TMED10: variants seen among roughly 807,000 people sequenced by gnomAD.
The protein encoded by TMED10 is transmembrane emp24 domain-containing protein 10.
A neutral mutation model predicts 23.1 loss-of-function variants in TMED10; 7 were observed. That is an observed-to-expected ratio of 0.30 (90% confidence interval 0.17 to 0.57). The LOEUF (loss-of-function observed/expected upper bound fraction) is 0.57, where lower values mean the gene tolerates loss of function less well. Among genes scored for constraint, TMED10 ranks in the 20% least tolerant of loss-of-function variants. The pLI, the probability that TMED10 is intolerant of heterozygous loss-of-function variation, is 0.91. For synonymous variants in TMED10, 113 were observed against 106.9 expected (o/e 1.06, Z -0.35); for missense variants, 162 against 274.8 (o/e 0.59, Z 2.90).
intron 4 of TMED10, among the ~76,000 whole-genome samples, chr14:75,135,455 A>C (rs958405105): frequency 2.6e-5 from 4 of 152,164 alleles, no homozygotes; most frequent in Admixed American, 2.6e-4. Context: ...TAAGTAAATA[A>C]ATAAAAATAA....
intron 1 of TMED10, among the ~76,000 whole-genome samples, chr14:75,168,162 C>T (rs1187238373): frequency 6.6e-6 from 1 of 152,078 alleles, no homozygotes; most frequent in Non-Finnish European, 1.5e-5. Flanking sequence ...CTCCCCTGAC[C>T]ACTCAAACAC....
chr14:75,170,142 G>C (rs966378396), intron 1 of TMED10, among the ~76,000 whole-genome samples: 2 of 152,122 alleles, frequency 1.3e-5, no homozygotes, highest in African/African-American at 4.8e-5. Flanking sequence ...CAGGAGAATG[G>C]TGTGAACCCC....
rs750366465 is a variant in TMED10, at chr14:75,176,346, A to G, written c.225+9T>C. 6 of 1,613,832 alleles carry G rather than the reference A, an allele frequency of 3.7e-6. No individual in the cohort carries two copies. The South Asian group carries it at 4.4e-5, about 12-fold the overall frequency. On this transcript the variant is annotated intron_variant, in intron 1 of 4. Transcript: ENST00000303575. The stretch of plus-strand genomic sequence containing the variant: ...TTCCCTCCCGGCCCCACGTCGCCCA[A>G]TGCCGCACCTTGAGGTGGCTGCGCA...
At chr14:75,160,788 G>A (rs1219910783) in intron 1 of TMED10, among the ~76,000 whole-genome samples, 6 of 152,330 alleles carry the variant, frequency 3.9e-5, no homozygotes, top group East Asian at 1.9e-4. Context: ...GCTCATGCCT[G>A]TAATCCCAGC....
chr14:75,135,641 A>T (rs1172992528), intron 4 of TMED10, 119 bp downstream of exon 4: 13 of 1,396,498 alleles, frequency 9.3e-6, no homozygotes, highest in African/African-American at 1.4e-5. Flanking sequence ...CGAAGCAAGC[A>T]ATTTCCCCTC....
chr14:75,138,297 T>C (rs1321285221), intron 3 of TMED10, among the ~76,000 whole-genome samples: 1 of 152,236 alleles, frequency 6.6e-6, no homozygotes, highest in Non-Finnish European at 1.5e-5. Flanking sequence ...AATATGGTGA[T>C]AGACTTGCGA....
At chr14:75,136,107 G>T (rs56000041) in intron 3 of TMED10, among the ~76,000 whole-genome samples, 1 of 152,196 alleles carries the variant, frequency 6.6e-6, no homozygotes, top group Non-Finnish European at 1.5e-5. Flanking sequence ...TAAAATCTTA[G>T]AAGTAATATA....
intron 1 of TMED10, among the ~76,000 whole-genome samples, chr14:75,167,397 C>T (rs764172135): frequency 1.3e-5 from 2 of 151,732 alleles, no homozygotes; most frequent in Non-Finnish European, 2.9e-5. Context: ...TGCCTCTTCG[C>T]CCCTCTGCCT....
chr14:75,147,816 C>T, intron 2 of TMED10, 79 bp from the exon 3 acceptor site: 1 of 1,250,214 alleles, frequency 8.0e-7, no homozygotes, highest in East Asian at 3.9e-5. Flanking sequence ...CCCGCCCTCC[C>T]TCTACAGAAC....
intron 2 of TMED10, 55 bp from the exon 3 acceptor site, chr14:75,147,792 TACCC>T (rs1895905855): frequency 6.6e-7 from 1 of 1,506,922 alleles, no homozygotes; most frequent in Non-Finnish European, 9.0e-7. Context: ...TCTGGGAAAT[TACCC>T]ACCCACCCGC....
chr14:75,173,043 A>G (rs1896254417), intron 1 of TMED10, among the ~76,000 whole-genome samples: 1 of 152,222 alleles, frequency 6.6e-6, no homozygotes, highest in South Asian at 2.1e-4. Context: ...ATGAAATTTA[A>G]AAGTCTGGAG....
chr14:75,176,494 A>G lies in TMED10; in HGVS notation c.86T>C (p.Val29Ala), dbSNP rs1299470459. ...GGGCAGATGGAAGGAGATGGCAAGG[A>G]CCAATCTGGGGCCGAGCAGGAACAA... ...LLLFLLGPRL[V>A]LAISFHLPIN... Residue 29 changes from valine (V) to alanine (A), a missense_variant, in exon 1 of 5, where the codon GTC becomes GCC. By Grantham distance (64) the Val-to-Ala change is moderately conservative (BLOSUM62 0). Around this residue, in one of 2 missense-constraint regions of TMED10, gnomAD observed 126 missense variants for 239.5 expected, o/e 0.53. Transcript: ENST00000303575. 1 of 1,613,888 alleles carries G rather than the reference A, an allele frequency of 6.2e-7. No individual in the cohort carries two copies. Among genetic ancestry groups the G allele is most frequent in the Non-Finnish European group, 8.5e-7 (1 of 1,180,010 alleles).
chr14:75,153,734 C>A (rs1381001415), intron 1 of TMED10, among the ~76,000 whole-genome samples: 1 of 149,210 alleles, frequency 6.7e-6, no homozygotes, highest in Admixed American at 6.7e-5. Context: ...TACTTTATAA[C>A]AGTAGTTATT....
chr14:75,137,800 C>T (rs1242761393), intron 3 of TMED10, among the ~76,000 whole-genome samples: 2 of 151,230 alleles, frequency 1.3e-5, no homozygotes, highest in African/African-American at 4.9e-5. Flanking sequence ...CTCTGCCTCC[C>T]AGGTTCAAAA....
chr14:75,155,244 G>T (rs1313096450), intron 1 of TMED10, among the ~76,000 whole-genome samples: 1 of 152,200 alleles, frequency 6.6e-6, no homozygotes, highest in East Asian at 1.9e-4. Context: ...ACAGGTGTGA[G>T]CCACCACGCC....
chr14:75,167,851 T>C (rs1157728875), intron 1 of TMED10, among the ~76,000 whole-genome samples: 1 of 152,080 alleles, frequency 6.6e-6, no homozygotes, highest in East Asian at 1.9e-4. Flanking sequence ...ATTACCCAAA[T>C]TTCTGAGTCC....
At chr14:75,166,822 G>A (rs1317085196) in intron 1 of TMED10, among the ~76,000 whole-genome samples, 1 of 152,000 alleles carries the variant, frequency 6.6e-6, no homozygotes, top group Non-Finnish European at 1.5e-5. Context: ...TTAAATTCAC[G>A]CTGAAAGGGC....
chr14:75,169,416 CACTTTGGGAGACGGGCGGA>C (rs1412586774), intron 1 of TMED10, among the ~76,000 whole-genome samples: 1 of 152,208 alleles, frequency 6.6e-6, no homozygotes, highest in East Asian at 1.9e-4. Context: ...GTAATCCCAG[CACTTTGGGAGACGGGCGGA>C]TCACCTGAGG....
chr14:75,173,880 G>A (rs1316469788), intron 1 of TMED10, among the ~76,000 whole-genome samples: 2 of 152,138 alleles, frequency 1.3e-5, no homozygotes, highest in Non-Finnish European at 2.9e-5. Context: ...ACAGGCACAC[G>A]CCACCATGCC....
Sources: allele counts gnomAD v4.1 joint callset (sites outside exome capture counted in the v4.1 genomes callset), GRCh38; gene constraint gnomAD v4.1.1; regional missense constraint gnomAD v4.1.1; transcripts MANE v1.5; gene names NCBI Gene and HGNC (gene_info 2026-07-23, HGNC 2026-07-21).